The following KIF27 variants were observed in gnomAD, a reference collection of about 807,000 sequenced individuals.
The protein encoded by KIF27 is kinesin-like protein KIF27.
In KIF27, 84 loss-of-function variants were observed where a neutral mutation model predicts 141.8. The ratio of observed to expected loss-of-function variants is 0.59; its 90% CI spans 0.50 to 0.71. The LOEUF is 0.71. Among genes scored for constraint, KIF27 ranks in the 30% least tolerant of loss-of-function variants. KIF27 has a pLI of 0.00. For missense variants in KIF27, 1,306 were observed against 1,628.4 expected (o/e 0.80, Z 3.41); for synonymous variants, 471 against 569.5 (o/e 0.83, Z 2.46).
At chr9:83,869,916 A>G (rs917663052) in intron 12 of KIF27, among the ~76,000 whole-genome samples, 1 of 152,188 alleles carries the variant, frequency 6.6e-6, no homozygotes, top group Non-Finnish European at 1.5e-5. Context: ...TAATTTTGTA[A>G]TAATAAAAGT....
intron 5 of KIF27, among the ~76,000 whole-genome samples, chr9:83,897,311 T>G (rs1831759): frequency 1.3e-5 from 2 of 152,108 alleles, no homozygotes; most frequent in Non-Finnish European, 1.5e-5. Flanking sequence ...AGACAAGAGA[T>G]TCATGCACAA....
chr9:83,911,099 C>T (rs1955110669), intron 2 of KIF27, among the ~76,000 whole-genome samples: 1 of 152,164 alleles, frequency 6.6e-6, no homozygotes, highest in Non-Finnish European at 1.5e-5. Flanking sequence ...CAGGGTCTCA[C>T]TGTGTCACCC....
At chr9:83,870,906 T>A (rs1324044206) in intron 11 of KIF27, among the ~76,000 whole-genome samples, 1 of 151,980 alleles carries the variant, frequency 6.6e-6, no homozygotes, top group Non-Finnish European at 1.5e-5. Flanking sequence ...ATGTGTGGAT[T>A]TTTTTGTTTA....
intron 3 of KIF27, among the ~76,000 whole-genome samples, chr9:83,905,696 C>G (rs908999260): frequency 6.6e-6 from 1 of 152,142 alleles, no homozygotes; most frequent in Admixed American, 6.6e-5. Context: ...GTTCTCGAAT[C>G]CAGATGCAAA....
At chr9:83,871,291 A>C (rs1291641408) in intron 11 of KIF27, among the ~76,000 whole-genome samples, 4 of 152,176 alleles carry the variant, frequency 2.6e-5, no homozygotes, top group African/African-American at 9.7e-5. Context: ...AATACATATA[A>C]CGTATAGTGA....
At chr9:83,864,790 T>A (rs1304155746) in intron 13 of KIF27, among the ~76,000 whole-genome samples, 1 of 152,182 alleles carries the variant, frequency 6.6e-6, no homozygotes, top group Non-Finnish European at 1.5e-5. Context: ...AAGTCTCCCA[T>A]TATTATTGTG....
At chr9:83,869,507 G>A (rs571020819) in intron 12 of KIF27, among the ~76,000 whole-genome samples, 7 of 152,138 alleles carry the variant, frequency 4.6e-5, no homozygotes, top group African/African-American at 7.2e-5. Flanking sequence ...AGGCCGAGGC[G>A]GGCAGATCAT....
intron 5 of KIF27, among the ~76,000 whole-genome samples, chr9:83,895,379 T>C (rs183985761): frequency 6.6e-6 from 1 of 152,136 alleles, no homozygotes; most frequent in Non-Finnish European, 1.5e-5. Flanking sequence ...CCATTCATAA[T>C]AAAAATTCTC....
chr9:83,840,544 C>T (rs1239930602), intron 17 of KIF27, among the ~76,000 whole-genome samples: 1 of 151,958 alleles, frequency 6.6e-6, no homozygotes. Flanking sequence ...GTCTAGTAGA[C>T]TCGGTGGCAT....
Position 83,837,383 on chromosome 9 carries a change from C to T in KIF27, c.3824G>A (p.Arg1275Lys). 6.2e-7 allele frequency: 1 copy of T among 1,609,950 alleles called. No homozygotes were observed. The highest frequency in any genetic ancestry group is 1.1e-5 in the South Asian group (1 of 90,630). The part of the protein sequence containing the change: ...SRPESMKLSG[R>K]EREMDSSASS... Reference sequence around the variant, plus strand: ...TGCTGAACTGTCCATTTCTCTTTCTCTTCCACTTAATTTCATACTTTCAGG... The same window carrying T: ...TGCTGAACTGTCCATTTCTCTTTCTTTTCCACTTAATTTCATACTTTCAGG... The change falls in exon 18 of 18, where the codon AGA becomes AAA. Residue 1275 changes from arginine (R) to lysine (K), a missense_variant. Arg to Lys is a conservative substitution (Grantham distance 26). Coordinates refer to ENST00000297814, the MANE Select transcript of KIF27 (RefSeq NM_017576.4).
At chr9:83,848,074 TATG>T (rs1373305396) in intron 16 of KIF27, among the ~76,000 whole-genome samples, 1 of 106,140 alleles carries the variant, frequency 9.4e-6, no homozygotes. Flanking sequence ...ATATATGATA[TATG>T]ATATATCATA....
chr9:83,842,739 TACAG>T (rs1475772098), intron 16 of KIF27, among the ~76,000 whole-genome samples: 1 of 152,198 alleles, frequency 6.6e-6, no homozygotes, highest in African/African-American at 2.4e-5. Flanking sequence ...GTGCTGGGAT[TACAG>T]ACATGAGCCA....
chr9:83,862,550 C>A (rs1439205136), intron 13 of KIF27, among the ~76,000 whole-genome samples: 1 of 152,122 alleles, frequency 6.6e-6, no homozygotes, highest in African/African-American at 2.4e-5. Context: ...GTTTTGGTAC[C>A]AGTACCATGC....
chr9:83,878,667 A>G (rs2780161), intron 11 of KIF27, among the ~76,000 whole-genome samples: 1 of 152,244 alleles, frequency 6.6e-6, no homozygotes, highest in Non-Finnish European at 1.5e-5. Context: ...GTAAAATATT[A>G]TATAATTCTA....
intron 1 of KIF27, among the ~76,000 whole-genome samples, chr9:83,920,362 T>C (rs1000671785): frequency 2.0e-4 from 30 of 152,342 alleles, no homozygotes; most frequent in African/African-American, 7.2e-4. Context: ...AACATACGTA[T>C]TATGTTGCCA....
chr9:83,913,109 G>A (rs987221558), intron 2 of KIF27, among the ~76,000 whole-genome samples: 2 of 152,052 alleles, frequency 1.3e-5, no homozygotes, highest in African/African-American at 4.8e-5. Flanking sequence ...AGGCTGCAGT[G>A]AGCTGTGATT....
chr9:83,915,201 A>G, intron 2 of KIF27, 93 bp downstream of exon 2: 3 of 963,412 alleles, frequency 3.1e-6, no homozygotes, highest in Non-Finnish European at 4.6e-6. Context: ...TATTCAATCA[A>G]TATGCTAAAC....
At chr9:83,874,279 G>A (rs539625321) in intron 11 of KIF27, among the ~76,000 whole-genome samples, 1 of 152,202 alleles carries the variant, frequency 6.6e-6, no homozygotes, top group East Asian at 1.9e-4. Flanking sequence ...GAAATGGGTG[G>A]TTAAAAAGCT....
chr9:83,874,071 G>A (rs1430857434), intron 11 of KIF27, among the ~76,000 whole-genome samples: 1 of 151,874 alleles, frequency 6.6e-6, no homozygotes, highest in East Asian at 1.9e-4. Flanking sequence ...AAGGACACAG[G>A]AGTACTTCTA....
Sources: allele counts gnomAD v4.1 joint callset (sites outside exome capture counted in the v4.1 genomes callset), GRCh38; gene constraint gnomAD v4.1.1; transcripts MANE v1.5; gene names NCBI Gene and HGNC (gene_info 2026-07-23, HGNC 2026-07-21).